The following EFCAB5 variants were observed in gnomAD, a reference collection of about 807,000 sequenced individuals.
EFCAB5 encodes the protein EF-hand calcium-binding domain-containing protein 5.
EFCAB5 carries 131 observed loss-of-function variants against 167.9 expected under a neutral mutation model. That is an observed-to-expected ratio of 0.78 (90% CI 0.68 to 0.90). The LOEUF is 0.90. Ranked by LOEUF, EFCAB5 falls within the 40% of genes least tolerant of loss-of-function variation. The pLI, the probability that EFCAB5 is intolerant of heterozygous loss-of-function variation, is 0.00. For missense variants in EFCAB5, 1,663 were observed against 1,745.2 expected (o/e 0.95, Z 0.84); for synonymous variants, 574 against 602.8 (o/e 0.95, Z 0.70).
intron 7 of EFCAB5, among the ~76,000 whole-genome samples, chr17:30,027,020 T>A (rs1179798208): frequency 1.5e-4 from 18 of 118,876 alleles, no homozygotes; most frequent in Non-Finnish European, 2.9e-4. Context: ...GGAGTCTCGC[T>A]CTGTCGCCCA....
chr17:30,044,249 G>A (rs1403533801), intron 8 of EFCAB5, among the ~76,000 whole-genome samples: 1 of 152,076 alleles, frequency 6.6e-6, no homozygotes, highest in Admixed American at 6.6e-5. Context: ...TGAAGCCACA[G>A]TGAGATAAAA....
intron 14 of EFCAB5, among the ~76,000 whole-genome samples, chr17:30,071,105 G>A (rs2070725586): frequency 6.6e-6 from 1 of 150,876 alleles, no homozygotes; most frequent in African/African-American, 2.4e-5. Context: ...GACCTCAAAA[G>A]CACAGGCAAC....
Position 30,092,139 on chromosome 17 carries a change from T to C in EFCAB5, c.4206T>C (p.Ser1402=), listed in dbSNP as rs1390986538. 6.2e-7 allele frequency: 1 copy of C among 1,612,778 alleles called. No homozygotes were observed. The highest frequency in any genetic ancestry group is 8.5e-7 in the Non-Finnish European group (1 of 1,179,166). ...PELEFSSDFG[S]WDKCKFYVNK... is the part of the protein sequence containing the mutation. The stretch of plus-strand genomic sequence containing the variant: ...TGGAATTTTCAAGTGACTTTGGAAG[T>C]TGGGATAAGTGTAAATTTGTAAGTT... Residue 1402 remains serine, a synonymous_variant, in exon 21 of 23, where the codon AGT becomes AGC. Coordinates refer to ENST00000394835, the MANE Select transcript of EFCAB5 (RefSeq NM_198529.4).
chr17:30,038,810 T>C (rs2069691629), intron 8 of EFCAB5, among the ~76,000 whole-genome samples: 2 of 152,172 alleles, frequency 1.3e-5, no homozygotes, highest in African/African-American at 4.8e-5. Context: ...TTGGCACCAA[T>C]TATCTATTTC....
At chr17:30,053,155 C>T (rs1314776521) in intron 9 of EFCAB5, 100 bp from the exon 10 acceptor site, 8 of 1,372,724 alleles carry the variant, frequency 5.8e-6, no homozygotes, top group African/African-American at 4.4e-5. Context: ...GCCTATATTA[C>T]AATTTCTGTG....
intron 14 of EFCAB5, among the ~76,000 whole-genome samples, chr17:30,067,533 A>T (rs1379823773): frequency 2.6e-5 from 4 of 152,180 alleles, no homozygotes; most frequent in South Asian, 4.1e-4. Flanking sequence ...TGCAAAGATG[A>T]TTTAACATAA....
Position 29,968,908 on chromosome 17 carries a change from A to T in EFCAB5, c.308A>T (p.Glu103Val), listed in dbSNP as rs1229352616. 3 of 1,576,362 alleles carry T rather than the reference A, an allele frequency of 1.9e-6. No homozygotes were observed. Among genetic ancestry groups the T allele is most frequent in the Non-Finnish European group, 2.6e-6 (3 of 1,160,034 alleles). The stretch of plus-strand genomic sequence containing the variant: ...GCAAAAGTGATTTTTGCTTTAGATG[A>T]AACTGAACTGAAATCAAAGCCAGAG... Reference protein sequence around the residue: ...KSAKVIFALDETELKSKPEHT... With the variant: ...KSAKVIFALDVTELKSKPEHT... Residue 103 changes from glutamate to valine, a missense_variant, in exon 4 of 23, where the codon GAA (glutamate) becomes GTA (valine). Physicochemically the swap from Glu to Val is moderately radical, Grantham distance 121 (BLOSUM62 -2). Transcript: ENST00000394835.
chr17:30,077,139 T>C (rs1419487674), intron 14 of EFCAB5, among the ~76,000 whole-genome samples: 2 of 152,058 alleles, frequency 1.3e-5, no homozygotes, highest in Admixed American at 6.6e-5. Context: ...CCACCTCTAC[T>C]GAAAATATAA....
intron 6 of EFCAB5, among the ~76,000 whole-genome samples, chr17:29,999,004 T>C (rs2068604949): frequency 6.6e-6 from 1 of 152,200 alleles, no homozygotes; most frequent in African/African-American, 2.4e-5. Flanking sequence ...CTCTTGATTT[T>C]TTTCTTCTAT....
intron 22 of EFCAB5, among the ~76,000 whole-genome samples, chr17:30,106,132 A>G (rs910685769): frequency 6.6e-6 from 1 of 151,998 alleles, no homozygotes; most frequent in Admixed American, 6.6e-5. Context: ...CTTTTACTCA[A>G]TTAAAAAAAA....
intron 7 of EFCAB5, among the ~76,000 whole-genome samples, chr17:30,011,307 T>A (rs1053167331): frequency 6.6e-6 from 1 of 152,216 alleles, no homozygotes; most frequent in African/African-American, 2.4e-5. Flanking sequence ...TGATTCCATA[T>A]GAACTTTAAA....
rs2070533738 is a variant in EFCAB5 at position 30,065,278 on chromosome 17, GGAGT to G, written c.2737+5578_2737+5581del. 2.6e-5 allele frequency among the ~76,000 whole-genome samples: 4 copies of G among 152,158 alleles called. No homozygotes were observed. In the East Asian group the frequency reaches 7.7e-4, roughly 29 times the overall value. ...CCAGAAAACAATTAACAAAATGACA[GGAGT>G]AAGTACTCACCTATCAATAATAGCT... On this transcript the variant is annotated intron_variant, in intron 14 of 22. Coordinates refer to ENST00000394835, the MANE Select transcript of EFCAB5 (RefSeq NM_198529.4).
chr17:29,943,842 G>T (rs1333815179), intron 3 of EFCAB5, among the ~76,000 whole-genome samples, 193 bp downstream of exon 3: 2 of 152,000 alleles, frequency 1.3e-5, no homozygotes, highest in African/African-American at 4.8e-5. Flanking sequence ...GGGCATAGTG[G>T]CGGGTGCCTG....
intron 4 of EFCAB5, among the ~76,000 whole-genome samples, chr17:29,992,599 G>A (rs2068445945): frequency 6.6e-6 from 1 of 152,168 alleles, no homozygotes; most frequent in Non-Finnish European, 1.5e-5. Context: ...GCCTGCCTTG[G>A]CCTCCCAAAG....
In EFCAB5 at chr17:29,959,964, A is replaced by G. The variant is rs928042335; in HGVS notation, c.191-8827A>G. Among the ~76,000 whole-genome samples the G allele has an allele frequency of 4.6e-5, 7 of 152,270 alleles. No individual in the cohort carries two copies. In the East Asian group the frequency reaches 1.3e-3, roughly 29 times the overall value. ...TCAAGTTTATTTAGAACCCCAGAGC[A>G]CTTTAGCCCTCAGTGGTGGGCTAGC... On this transcript the variant is annotated intron_variant, in intron 3 of 22. Coordinates refer to ENST00000394835, the MANE Select transcript of EFCAB5 (RefSeq NM_198529.4).
chr17:29,967,569 A>G (rs2067856111), intron 3 of EFCAB5, among the ~76,000 whole-genome samples: 4 of 152,168 alleles, frequency 2.6e-5, no homozygotes, highest in Non-Finnish European at 5.9e-5. Flanking sequence ...AGTTTCTTCA[A>G]TCAGTTGAAT....
chr17:29,949,053 C>G, intron 3 of EFCAB5, among the ~76,000 whole-genome samples: 1 of 152,162 alleles, frequency 6.6e-6, no homozygotes, highest in East Asian at 1.9e-4. Flanking sequence ...AGTAGCCCTG[C>G]TGGGTCAATT....
chr17:30,103,622 A>G (rs1202182155), intron 22 of EFCAB5, among the ~76,000 whole-genome samples: 1 of 152,244 alleles, frequency 6.6e-6, no homozygotes, highest in Non-Finnish European at 1.5e-5. Context: ...GCAGTACACT[A>G]CAGTGCCTTT....
intron 7 of EFCAB5, among the ~76,000 whole-genome samples, chr17:30,027,368 G>A (rs542324053): frequency 8.7e-5 from 13 of 149,866 alleles, no homozygotes; most frequent in African/African-American, 3.0e-4. Context: ...GCATATTTGG[G>A]GGTGGCATAT....
Sources: gnomAD v4.1 joint callset for allele counts (sites outside exome capture counted in the v4.1 genomes callset) on GRCh38, gnomAD v4.1.1 for gene constraint, MANE v1.5 for transcripts, NCBI Gene and HGNC (gene_info 2026-07-23, HGNC 2026-07-21) for gene names.